IFT80: variants seen among roughly 807,000 people sequenced by gnomAD.
IFT80 encodes the protein intraflagellar transport 80, also known as intraflagellar transport protein 80 homolog.
In IFT80, 79 loss-of-function variants were observed where a neutral mutation model predicts 107.9. The observed-to-expected ratio is 0.73, with a 90% CI of 0.61 to 0.88. The LOEUF (loss-of-function observed/expected upper bound fraction) is 0.88, where lower values mean the gene tolerates loss of function less well. Among genes scored for constraint, IFT80 ranks in the 40% least tolerant of loss-of-function variants. The pLI, the probability that IFT80 is intolerant of heterozygous loss-of-function variation, is 0.00. For missense variants in IFT80, 797 were observed against 914.2 expected (o/e 0.87, Z 1.65); for synonymous variants, 299 against 300.9 (o/e 0.99, Z 0.07).
Position 160,377,477 on chromosome 3 carries a change from G to C in IFT80, c.323C>G (p.Ala108Gly). 4.3e-6 allele frequency: 7 copies of C among 1,610,834 alleles called. No individual in the cohort carries two copies. Among genetic ancestry groups the C allele is most frequent in the Non-Finnish European group, 5.9e-6 (7 of 1,177,568 alleles). ...ATAATTCCATCTTCCTGCAAGTACT[G>C]CTCCACAGTGAGCTTCTACACTTTT... ...VEKSVEAHCG[A>G]VLAGRWNYEG... is the part of the protein sequence containing the mutation. The change falls in exon 4 of 20, where the codon GCA becomes GGA. Residue 108 changes from alanine (A) to glycine (G), a missense_variant. By Grantham distance (60) the Ala-to-Gly change is moderately conservative (BLOSUM62 0). Transcript: ENST00000326448.
intron 1 of IFT80, chr3:160,394,033 C>G (rs1713579998): frequency 6.6e-6 from 1 of 152,166 alleles, no homozygotes; most frequent in African/African-American, 2.4e-5. Flanking sequence ...TGTCTCTTCT[C>G]CAATAGAGAA....
At chr3:160,322,042 A>ATTTAT (rs747659467) in intron 8 of IFT80, among the ~76,000 whole-genome samples, 2 of 144,028 alleles carry the variant, frequency 1.4e-5, no homozygotes, top group South Asian at 2.2e-4. Flanking sequence ...TTATTTATTT[A>ATTTAT]TTATTATTAT....
intron 14 of IFT80, 32 bp from the exon 15 acceptor site, chr3:160,280,846 A>G (rs1255855021): frequency 6.3e-7 from 1 of 1,583,790 alleles, no homozygotes; most frequent in Non-Finnish European, 8.6e-7. Context: ...ATGTGCTATT[A>G]GCTTTAATAT....
At chr3:160,346,208 T>C (rs750589765) in intron 8 of IFT80, among the ~76,000 whole-genome samples, 2 of 152,148 alleles carry the variant, frequency 1.3e-5, no homozygotes, top group Non-Finnish European at 2.9e-5. Context: ...TGGTTAATAA[T>C]AATAACAAAG....
At chr3:160,354,989 C>A (rs1323559833) in intron 8 of IFT80, among the ~76,000 whole-genome samples, 1 of 152,094 alleles carries the variant, frequency 6.6e-6, no homozygotes, top group Admixed American at 6.6e-5. Flanking sequence ...GCAAATAAGC[C>A]ACAGAACAAT....
chr3:160,355,910 G>T, intron 8 of IFT80, 103 bp downstream of exon 8: 2 of 1,293,728 alleles, frequency 1.5e-6, no homozygotes, highest in Non-Finnish European at 2.2e-6. Flanking sequence ...GATTCAACCA[G>T]ATGCATCCAT....
In IFT80 at chr3:160,268,530, C is replaced by T. The variant is rs756615065; in HGVS notation, c.2106G>A (p.Leu702=). The T allele has an allele frequency of 1.9e-6, 3 of 1,613,056 alleles. No individual in the cohort carries two copies. Among genetic ancestry groups the T allele is most frequent in the African/African-American group, 1.3e-5 (1 of 74,862 alleles). Residue 702 remains leucine, a synonymous_variant, in exon 19 of 20, where the codon CTG becomes CTA. Transcript: ENST00000326448. ...NINLYNWERA[L]ELAVKYKTHV... The stretch of plus-strand genomic sequence containing the variant: ...GTGTTTTGTATTTTACAGCCAATTC[C>T]AGTGCCCTATAATGAGAAATAAAAC...
At chr3:160,261,121 C>T (rs1712789674) in intron 19 of IFT80, among the ~76,000 whole-genome samples, 1 of 152,104 alleles carries the variant, frequency 6.6e-6, no homozygotes, top group African/African-American at 2.4e-5. Flanking sequence ...TCATCCTTGG[C>T]TCTCTATGCT....
intron 19 of IFT80, among the ~76,000 whole-genome samples, chr3:160,260,609 A>G (rs937445717): frequency 1.3e-5 from 2 of 152,196 alleles, no homozygotes; most frequent in African/African-American, 4.8e-5. Context: ...GCATTGATCT[A>G]GTTTTAAAAA....
intron 9 of IFT80, 44 bp from the exon 10 acceptor site, chr3:160,307,825 C>T (rs772237113): frequency 1.3e-5 from 13 of 1,005,004 alleles, no homozygotes; most frequent in Non-Finnish European, 1.7e-5. Context: ...TATAACATAT[C>T]CAAATTTTAT....
intron 19 of IFT80, among the ~76,000 whole-genome samples, chr3:160,262,565 T>A (rs1355803647): frequency 6.6e-6 from 1 of 152,110 alleles, no homozygotes; most frequent in African/African-American, 2.4e-5. Flanking sequence ...GCTTACATGA[T>A]CCTCCTGCCT....
Position 160,277,487 on chromosome 3 carries a change from G to C in IFT80, c.1927-9C>G, listed in dbSNP as rs749187197. 4.4e-6 allele frequency: 7 copies of C among 1,597,368 alleles called. No homozygotes were observed. In the South Asian group the frequency reaches 7.7e-5, roughly 18 times the overall value. On this transcript the variant is annotated splice_polypyrimidine_tract_variant and intron_variant, in intron 17 of 19. Coordinates refer to ENST00000326448, the MANE Select transcript of IFT80 (RefSeq NM_020800.3). ...TACTGAACCTTATCAATCTAAAAAA[G>C]AAAAGAAAAATATTGAAGTAGATAG...
intron 5 of IFT80, among the ~76,000 whole-genome samples, chr3:160,373,838 G>A (rs775537040): frequency 2.0e-5 from 3 of 151,952 alleles, no homozygotes; most frequent in Non-Finnish European, 4.4e-5. Flanking sequence ...AGTAATGGAA[G>A]TGATGGGGAA....
intron 12 of IFT80, among the ~76,000 whole-genome samples, chr3:160,294,718 G>A (rs1310025521): frequency 1.3e-5 from 2 of 152,336 alleles, no homozygotes; most frequent in Non-Finnish European, 2.9e-5. Context: ...GAGAAGTCTT[G>A]AAGAACCTAT....
At chr3:160,379,333 C>T (rs1225833399) in intron 3 of IFT80, among the ~76,000 whole-genome samples, 2 of 152,062 alleles carry the variant, frequency 1.3e-5, no homozygotes, top group Non-Finnish European at 2.9e-5. Context: ...TATCCTATAC[C>T]AGCAAAAATA....
At chr3:160,284,072 C>G (rs140681331) in intron 13 of IFT80, among the ~76,000 whole-genome samples, 2,363 of 152,114 alleles carry the variant, frequency 0.016, 66 homozygotes, top group African/African-American at 0.053. Context: ...GGTGATTTTT[C>G]TATTATTTTA....
intron 8 of IFT80, among the ~76,000 whole-genome samples, chr3:160,340,515 T>C (rs1719818444): frequency 6.6e-6 from 1 of 152,194 alleles, no homozygotes; most frequent in African/African-American, 2.4e-5. Flanking sequence ...ATCATTCAGA[T>C]TGTAGGCAGA....
intron 8 of IFT80, among the ~76,000 whole-genome samples, chr3:160,325,990 A>T (rs1386114408): frequency 2.0e-5 from 3 of 152,034 alleles, no homozygotes; most frequent in Non-Finnish European, 4.4e-5. Context: ...AAAAATTTTT[A>T]AATTTACAAC....
intron 12 of IFT80, among the ~76,000 whole-genome samples, chr3:160,289,931 C>T (rs1347109283): frequency 6.6e-6 from 1 of 151,888 alleles, no homozygotes; most frequent in African/African-American, 2.4e-5. Context: ...CTGGTGAAGC[C>T]CTAAAGGAGA....
Sources: gnomAD v4.1 joint callset for allele counts (sites outside exome capture counted in the v4.1 genomes callset) on GRCh38, gnomAD v4.1.1 for gene constraint, MANE v1.5 for transcripts, NCBI Gene and HGNC (gene_info 2026-07-23, HGNC 2026-07-21) for gene names.